The following PRDM6 variants were observed in gnomAD, a reference collection of about 807,000 sequenced individuals.
PRDM6 encodes PR/SET domain 6.
Under a neutral mutation model 60.8 loss-of-function variants are expected in PRDM6, and 25 were observed. That is an observed-to-expected ratio of 0.41 (90% confidence interval 0.30 to 0.57). PRDM6 has a LOEUF of 0.57. PRDM6 is among the 20% of genes least tolerant of loss of function. PRDM6 has a pLI of 0.27. For synonymous variants in PRDM6, 407 were observed against 357.4 expected, an observed-to-expected ratio of 1.14 and a Z score of -1.57; for missense variants, 839 against 821.3, an observed-to-expected ratio of 1.02 and a Z score of -0.26.
chr5:123,142,895 A>C (rs1385567887), intron 3 of PRDM6, among the ~76,000 whole-genome samples: 3 of 149,094 alleles, frequency 2.0e-5, no homozygotes, highest in African/African-American at 7.4e-5. Context: ...AAAAAAAAAA[A>C]AAAAAAACAA....
At chr5:123,181,430 G>A (rs940099204) in intron 7 of PRDM6, among the ~76,000 whole-genome samples, 1 of 152,164 alleles carries the variant, frequency 6.6e-6, no homozygotes, top group Non-Finnish European at 1.5e-5. Flanking sequence ...GGGGCATGGG[G>A]GAAGGTATTT....
chr5:123,177,566 A>G (rs777164572), intron 6 of PRDM6, among the ~76,000 whole-genome samples: 30 of 152,208 alleles, frequency 2.0e-4, no homozygotes, highest in Non-Finnish European at 2.6e-4. Context: ...TGAATTCTCA[A>G]CTTTTTACCA....
chr5:123,170,552 G>A (rs1437602829), intron 5 of PRDM6, among the ~76,000 whole-genome samples: 3 of 152,182 alleles, frequency 2.0e-5, no homozygotes, highest in Non-Finnish European at 4.4e-5. Flanking sequence ...ACAATCCTGA[G>A]CATACAGTTG....
intron 6 of PRDM6, among the ~76,000 whole-genome samples, chr5:123,179,446 CTT>C (rs1766092689): frequency 6.6e-6 from 1 of 152,182 alleles, no homozygotes; most frequent in African/African-American, 2.4e-5. Context: ...GTCAGGATAT[CTT>C]TGACAAAGAG....
intron 2 of PRDM6, among the ~76,000 whole-genome samples, chr5:123,096,892 C>G (rs1423392761): frequency 6.6e-6 from 1 of 152,116 alleles, no homozygotes; most frequent in East Asian, 1.9e-4. Context: ...GAGGTAGTGG[C>G]TGGAGTTGGT....
At chr5:123,151,214 G>A (rs1004159024) in intron 3 of PRDM6, among the ~76,000 whole-genome samples, 8 of 152,126 alleles carry the variant, frequency 5.3e-5, no homozygotes, top group Non-Finnish European at 1.0e-4. Flanking sequence ...CCTTGGCACA[G>A]GGATATGCCA....
Position 123,171,086 on chromosome 5 carries a change from G to C in PRDM6, c.1474G>C (p.Val492Leu). ...CCAGCGGATCCTCTTACAGATGCAC[G>C]TGTGCACGCAGAACCCCGACAGGTA... ...FTQRILLQMH[V>L]CTQNPDRPYQ... The change falls in exon 6 of 8, where the codon GTG becomes CTG. Residue 492 changes from valine (V) to leucine (L), a missense_variant. Around this residue, in one of 2 missense-constraint regions of PRDM6, gnomAD observed 109 missense variants for 172.6 expected, o/e 0.63. Transcript: ENST00000407847. The C allele has an allele frequency of 6.5e-7, 1 of 1,545,652 alleles. No individual in the cohort carries two copies. Among genetic ancestry groups the C allele is most frequent in the Non-Finnish European group, 8.8e-7 (1 of 1,142,794 alleles).
chr5:123,141,543 A>G (rs1021401848), intron 3 of PRDM6, among the ~76,000 whole-genome samples: 8 of 151,982 alleles, frequency 5.3e-5, no homozygotes, highest in Admixed American at 5.2e-4. Context: ...TACTCTATAG[A>G]GTTATTATTC....
At chr5:123,125,404 T>C (rs1030762271) in intron 3 of PRDM6, among the ~76,000 whole-genome samples, 1 of 152,170 alleles carries the variant, frequency 6.6e-6, no homozygotes, top group African/African-American at 2.4e-5. Context: ...ACAATGTTAA[T>C]GGAGGTTTAC....
rs1048728379 is a variant in PRDM6, at chr5:123,099,776, G to C, written c.715G>C (p.Glu239Gln). Residue 239 changes from glutamate (E) to glutamine (Q), a missense_variant, in exon 3 of 8, where the codon GAG becomes CAG. By Grantham distance (29) the Glu-to-Gln change is conservative. This residue lies in a region of PRDM6 where 730 missense variants were observed against 648.8 expected (regional missense o/e 1.13). Transcript: ENST00000407847. The surrounding 1 kb of genome is among the most constrained non-coding windows in gnomAD (Gnocchi z 4.0). ...AAAAPPPELP[E>Q]WLRDLPREVC... Reference sequence around the variant, plus strand: ...CGCCGCGCCCCCGCCGGAGCTGCCGGAGTGGCTGCGGGACCTGCCTCGCGA... The same window carrying C: ...CGCCGCGCCCCCGCCGGAGCTGCCGCAGTGGCTGCGGGACCTGCCTCGCGA... 7.1e-6 allele frequency: 11 copies of C among 1,547,920 alleles called. No homozygotes were observed. Among genetic ancestry groups the C allele is most frequent in the South Asian group, 1.2e-5 (1 of 83,816 alleles).
At chr5:123,142,941 G>A (rs1477948110) in intron 3 of PRDM6, among the ~76,000 whole-genome samples, 1 of 136,356 alleles carries the variant, frequency 7.3e-6, no homozygotes, top group African/African-American at 2.8e-5. Context: ...AAAAAACTCA[G>A]GATTTCTAGC....
In PRDM6 at chr5:123,110,273, C is replaced by CT. The variant is rs34213134; in HGVS notation, c.900+10329dup. ...ATATTTATTTCATATTAATCATTTC[C>CT]TTTTTTTTTTTTTTTTTGAGATGGA... On this transcript the variant is annotated intron_variant, in intron 3 of 7. Coordinates refer to ENST00000407847, the MANE Select transcript of PRDM6 (RefSeq NM_001136239.4). Among the ~76,000 whole-genome samples, 727 of 106,154 alleles carry CT rather than the reference C, an allele frequency of 6.8e-3. 4 individuals are homozygous for CT. Among genetic ancestry groups the CT allele is most frequent in the African/African-American group, 0.011 (323 of 28,250 alleles). 69.6% of individuals were successfully genotyped at this position (106,154 alleles called of 152,430 possible). A position where few individuals can be genotyped will look rare whatever the true frequency, so the allele number is the denominator to read the frequency against.
At position 123,189,116 on chromosome 5, in the gene PRDM6, G is replaced by A. The variant is rs1766354000; in HGVS notation, c.*1915G>A. On this transcript the variant is annotated 3_prime_UTR_variant, in exon 8 of 8. Transcript: ENST00000407847. Reference sequence around the variant, plus strand: ...TAGCTGATTGAAACTATTCTCTCTGGTAGTTAGGAATGTGTTCTGATTTTA... The same window carrying A: ...TAGCTGATTGAAACTATTCTCTCTGATAGTTAGGAATGTGTTCTGATTTTA... 6.6e-6 allele frequency: 1 copy of A among 152,094 alleles called. No homozygotes were observed. Among genetic ancestry groups the A allele is most frequent in the Admixed American group, 6.6e-5 (1 of 15,262 alleles). The allele number at this position is 152,094 out of a possible 1,614,324, so 9.4% of individuals were successfully genotyped here.
chr5:123,103,297 T>C (rs1354946530), intron 3 of PRDM6, among the ~76,000 whole-genome samples: 1 of 152,030 alleles, frequency 6.6e-6, no homozygotes, highest in African/African-American at 2.4e-5. Flanking sequence ...TTATTTTTGC[T>C]AGTTTCTTTT....
chr5:123,143,039 C>T (rs1765150666), intron 3 of PRDM6, among the ~76,000 whole-genome samples: 1 of 152,020 alleles, frequency 6.6e-6, no homozygotes, highest in Non-Finnish European at 1.5e-5. Context: ...CTCGAAAGTA[C>T]ATTAAACATC....
intron 3 of PRDM6, among the ~76,000 whole-genome samples, chr5:123,150,475 C>G (rs775553532): frequency 2.0e-5 from 3 of 152,114 alleles, no homozygotes; most frequent in Non-Finnish European, 2.9e-5. Flanking sequence ...TTTTCATAGT[C>G]AAAACAGCCA....
intron 3 of PRDM6, among the ~76,000 whole-genome samples, chr5:123,115,229 C>T (rs554805790): frequency 6.6e-6 from 1 of 152,280 alleles, no homozygotes; most frequent in South Asian, 2.1e-4. Context: ...TTCATGGTTG[C>T]TGTGACTCAG....
chr5:123,090,228 C>T lies in PRDM6; in HGVS notation c.214C>T (p.Arg72Trp). ...GCCTCCGCCGGACAGCCTGCGCCCG[C>T]GGCCCGCCTCTCTCTCCTCCGCCTC... is the stretch of plus-strand genomic sequence containing the variant. ...AEPPPDSLRP[R>W]PASLSSASST... The change falls in exon 2 of 8, where the codon CGG (arginine) becomes TGG (tryptophan). Residue 72 changes from arginine to tryptophan, a missense_variant. Coordinates refer to ENST00000407847, the MANE Select transcript of PRDM6 (RefSeq NM_001136239.4). 1 of 1,474,028 alleles carries T rather than the reference C, an allele frequency of 6.8e-7. No individual in the cohort carries two copies. Among genetic ancestry groups the T allele is most frequent in the Non-Finnish European group, 9.0e-7 (1 of 1,113,688 alleles). 91.3% of individuals were successfully genotyped at this position (1,474,028 alleles called of 1,614,324 possible). A position where few individuals can be genotyped will look rare whatever the true frequency, so the allele number is the denominator to read the frequency against.
At chr5:123,118,799 G>A (rs923698552) in intron 3 of PRDM6, among the ~76,000 whole-genome samples, 2 of 152,140 alleles carry the variant, frequency 1.3e-5, no homozygotes, top group East Asian at 3.8e-4. Flanking sequence ...GCAATTTTCT[G>A]CCCTAGAATT....
Sources: allele counts gnomAD v4.1 joint callset (sites outside exome capture counted in the v4.1 genomes callset), GRCh38; gene constraint gnomAD v4.1.1; regional missense constraint gnomAD v4.1.1; non-coding constraint Gnocchi (gnomAD v3.1); transcripts MANE v1.5; gene names NCBI Gene and HGNC (gene_info 2026-07-23, HGNC 2026-07-21).